Variants in AHI1 observed in about 807,000 individuals in gnomAD.
The protein encoded by AHI1 is Abelson helper integration site 1.
AHI1 carries 123 observed loss-of-function variants against 149.3 expected under a neutral mutation model. That is an observed-to-expected ratio of 0.82 (90% confidence interval 0.71 to 0.96). The LOEUF (loss-of-function observed/expected upper bound fraction) is 0.96, where lower values mean the gene tolerates loss of function less well. Among genes scored for constraint, AHI1 ranks in the 40% least tolerant of loss-of-function variants. The pLI is 0.00. For missense variants in AHI1, 1,439 were observed against 1,422.7 expected (o/e 1.01, Z -0.18); for synonymous variants, 475 against 459.8 (o/e 1.03, Z -0.42).
rs1369811022 is a variant in AHI1, at chr6:135,285,332, A to G, written c.*313T>C. The G allele has an allele frequency of 2.5e-5, 11 of 442,338 alleles. No individual in the cohort carries two copies. Among genetic ancestry groups the G allele is most frequent in the African/African-American group, 6.0e-5 (3 of 50,374 alleles). The allele number at this position is 442,338 out of a possible 1,614,324, so 27.4% of individuals were successfully genotyped here. A position where few individuals can be genotyped will look rare whatever the true frequency, so the allele number is the denominator to read the frequency against. ...CTTTTATTCACATTTGCTGAGTAGC[A>G]ATTACAGTGTTTTCTTCATTAGTTT... On this transcript the variant is annotated 3_prime_UTR_variant, in exon 29 of 29. Coordinates refer to ENST00000265602, the MANE Select transcript of AHI1 (RefSeq NM_001134831.2).
intron 24 of AHI1, among the ~76,000 whole-genome samples, chr6:135,346,760 C>T (rs1791294278): frequency 6.6e-6 from 1 of 152,092 alleles, no homozygotes; most frequent in Non-Finnish European, 1.5e-5. Flanking sequence ...TCCTTCACTC[C>T]TTTTCTTCAA....
In AHI1 at chr6:135,427,313, T is replaced by C. The variant is rs41288015; in HGVS notation, c.2624-6A>G. On this transcript the variant is annotated splice_polypyrimidine_tract_variant and splice_region_variant and intron_variant, in intron 19 of 28. Transcript: ENST00000265602. ...ATACATGGCTACTTGTTCTCCTAAA[T>C]AAAAAGAGAGATTCAAAAATGTATA... 0.021 allele frequency: 33,074 copies of C among 1,605,156 alleles called. 443 individuals are homozygous for C. The highest frequency in any genetic ancestry group is 0.024 in the Non-Finnish European group (28,591 of 1,174,570).
intron 23 of AHI1, among the ~76,000 whole-genome samples, chr6:135,381,062 T>C (rs1442928462): frequency 1.3e-5 from 2 of 152,218 alleles, no homozygotes; most frequent in African/African-American, 4.8e-5. Context: ...TATGTGCATT[T>C]ATATCTGCCT....
At chr6:135,452,468 C>T (rs1176448366) in intron 11 of AHI1, among the ~76,000 whole-genome samples, 1 of 152,178 alleles carries the variant, frequency 6.6e-6, no homozygotes, top group African/African-American at 2.4e-5. Context: ...ACCTAGACTA[C>T]TGTTAAGAAT....
intron 24 of AHI1, among the ~76,000 whole-genome samples, chr6:135,329,314 A>T (rs1311920885): frequency 6.6e-6 from 1 of 152,126 alleles, no homozygotes; most frequent in Non-Finnish European, 1.5e-5. Context: ...GAACAGGCTG[A>T]CTCTCCTGCT....
chr6:135,365,927 TATA>T (rs1277960649), intron 23 of AHI1, among the ~76,000 whole-genome samples: 2 of 152,236 alleles, frequency 1.3e-5, no homozygotes, highest in Non-Finnish European at 2.9e-5. Context: ...CCCTGTTCAG[TATA>T]ATGTTGGCTG....
intron 24 of AHI1, among the ~76,000 whole-genome samples, chr6:135,329,664 T>C (rs1788237214): frequency 6.6e-6 from 1 of 152,200 alleles, no homozygotes; most frequent in African/African-American, 2.4e-5. Context: ...AAGGAGTAGT[T>C]TTGACTTTCA....
rs376958473 is a variant in AHI1 at position 135,397,893 on chromosome 6, G to A, written c.2989-2997C>T. The stretch of plus-strand genomic sequence containing the variant: ...CTCAAGTTGGTTTTAAATTATAACC[G>A]AAAGAATGTTAATGCTGTCTGTATA... On this transcript the variant is annotated intron_variant, in intron 22 of 28. Coordinates refer to ENST00000265602, the MANE Select transcript of AHI1 (RefSeq NM_001134831.2). Among the ~76,000 whole-genome samples the A allele has an allele frequency of 2.0e-3, 307 of 152,056 alleles. 4 individuals carry two copies. Among genetic ancestry groups the A allele is most frequent in the African/African-American group, 6.7e-3 (280 of 41,514 alleles).
At chr6:135,451,077 A>G (rs1788019318) in intron 11 of AHI1, among the ~76,000 whole-genome samples, 1 of 152,014 alleles carries the variant, frequency 6.6e-6, no homozygotes, top group Non-Finnish European at 1.5e-5. Flanking sequence ...GGTCACTACA[A>G]CTTCCATTCC....
In AHI1 at chr6:135,462,035, T is replaced by C. The variant is rs554137399; in HGVS notation, c.931+1090A>G. Among the ~76,000 whole-genome samples, 23 of 152,144 alleles carry C rather than the reference T, an allele frequency of 1.5e-4. No individual in the cohort carries two copies. In the South Asian group the frequency reaches 3.3e-3, roughly 22 times the overall value. ...GTTTGTGAAAAAAACTTTAAAAATA[T>C]GTATATGAGTATACTGCTTAGTGCT... On this transcript the variant is annotated intron_variant, in intron 8 of 28. Transcript: ENST00000265602.
At chr6:135,317,608 G>A (rs776872411) in intron 26 of AHI1, among the ~76,000 whole-genome samples, 4 of 151,922 alleles carry the variant, frequency 2.6e-5, no homozygotes, top group Non-Finnish European at 5.9e-5. Flanking sequence ...TACTGGACTT[G>A]CTTGCTTGCA....
intron 23 of AHI1, among the ~76,000 whole-genome samples, chr6:135,364,308 G>C (rs1466073217): frequency 1.3e-5 from 2 of 151,634 alleles, no homozygotes; most frequent in Non-Finnish European, 2.9e-5. Context: ...GCCGGGCAGA[G>C]ACGCTCCTCA....
intron 5 of AHI1, among the ~76,000 whole-genome samples, chr6:135,478,407 T>G (rs1793062677): frequency 6.6e-6 from 1 of 152,184 alleles, no homozygotes; most frequent in African/African-American, 2.4e-5. Flanking sequence ...TTGCTATACT[T>G]TAGCAGAGAC....
intron 28 of AHI1, among the ~76,000 whole-genome samples, chr6:135,287,448 G>T (rs747303187): frequency 6.6e-6 from 1 of 152,174 alleles, no homozygotes; most frequent in Non-Finnish European, 1.5e-5. Context: ...GCACCCTTCG[G>T]ACACTGGCGG....
At chr6:135,441,372 C>T (rs1346798032) in intron 14 of AHI1, among the ~76,000 whole-genome samples, 2 of 115,336 alleles carry the variant, frequency 1.7e-5, no homozygotes, top group African/African-American at 4.9e-5. Flanking sequence ...CATAACGGGA[C>T]TCCCAGAAGA....
At position 135,294,539 on chromosome 6, in the gene AHI1, C is replaced by T. The variant is rs551951975; in HGVS notation, c.3486-4014G>A. On this transcript the variant is annotated intron_variant, in intron 27 of 28. Transcript: ENST00000265602. ...AAACAAACAAACAAACAACCCTCCCCCCAAAAAAAACCAAAAGAGAAATAG... is the reference window on the plus strand; with the variant it reads ...AAACAAACAAACAAACAACCCTCCCTCCAAAAAAAACCAAAAGAGAAATAG... 5.3e-5 allele frequency among the ~76,000 whole-genome samples: 8 copies of T among 151,114 alleles called. No homozygotes were observed. In the South Asian group the frequency reaches 1.7e-3, roughly 32 times the overall value.
chr6:135,288,269 A>G (rs1781931167), intron 28 of AHI1, among the ~76,000 whole-genome samples: 2 of 152,060 alleles, frequency 1.3e-5, no homozygotes, highest in African/African-American at 4.8e-5. Flanking sequence ...AGCACTGGCC[A>G]TCTAATCAGA....
At chr6:135,359,967 CA>C (rs1793599002) in intron 23 of AHI1, among the ~76,000 whole-genome samples, 1 of 151,910 alleles carries the variant, frequency 6.6e-6, no homozygotes, top group Non-Finnish European at 1.5e-5. Context: ...ATTAGAATTT[CA>C]AAAACTGGAT....
At chr6:135,334,262 C>T (rs1317893301) in intron 24 of AHI1, among the ~76,000 whole-genome samples, 2 of 152,062 alleles carry the variant, frequency 1.3e-5, no homozygotes, top group Non-Finnish European at 2.9e-5. Context: ...ATGATGGGGC[C>T]TTTGGGAGGT....
Sources: allele counts gnomAD v4.1 joint callset (sites outside exome capture counted in the v4.1 genomes callset), GRCh38; gene constraint gnomAD v4.1.1; transcripts MANE v1.5; gene names NCBI Gene and HGNC (gene_info 2026-07-23, HGNC 2026-07-21).